The following MAPKBP1 variants were observed in gnomAD, a reference collection of about 807,000 sequenced individuals.
The protein encoded by MAPKBP1 is mitogen-activated protein kinase binding protein 1, also known as mitogen-activated protein kinase-binding protein 1.
Under a neutral mutation model 170.5 loss-of-function variants are expected in MAPKBP1, and 71 were observed. The ratio of observed to expected loss-of-function variants is 0.42; its 90% CI spans 0.34 to 0.51. The LOEUF (loss-of-function observed/expected upper bound fraction) is 0.51. MAPKBP1 is among the 20% of genes least tolerant of loss of function. MAPKBP1 has a pLI of 0.06. For missense variants in MAPKBP1, 1,598 were observed against 1,933.0 expected (o/e 0.83, Z 3.25); for synonymous variants, 719 against 757.9 (o/e 0.95, Z 0.84).
intron 2 of MAPKBP1, among the ~76,000 whole-genome samples, chr15:41,787,287 C>G (rs1420049016): frequency 1.3e-5 from 2 of 151,112 alleles, no homozygotes; most frequent in Admixed American, 6.6e-5. Context: ...ATTCCAGCAC[C>G]TAGAGATAAC....
Position 41,818,971 on chromosome 15 carries a change from G to A in MAPKBP1, c.2291+14G>A, listed in dbSNP as rs779239389. 7 of 1,612,676 alleles carry A rather than the reference G, an allele frequency of 4.3e-6. No homozygotes were observed. The highest frequency in any genetic ancestry group is 3.3e-5 in the Admixed American group (2 of 59,984). On this transcript the variant is annotated intron_variant, in intron 20 of 30. Coordinates refer to ENST00000457542, the MANE Select transcript of MAPKBP1 (RefSeq NM_014994.3). This position sits in a 1 kb window ranked among gnomAD's most constrained non-coding sequence, Gnocchi z 5.2. ...TGGACCCAACCGGTGAGAACAGAAT[G>A]TGGGCAAGTGATGGGTGGGTGTGCA...
chr15:41,818,508 G>C lies in MAPKBP1; in HGVS notation c.2093-11G>C. 1 of 1,611,044 alleles carries C rather than the reference G, an allele frequency of 6.2e-7. No individual in the cohort carries two copies. The highest frequency in any genetic ancestry group is 8.5e-7 in the Non-Finnish European group (1 of 1,178,390). ...AGGTGGCTTATAGACCGTATTCTTT[G>C]TTCTTCACAGAGATTGTCACTGGCA... On this transcript the variant is annotated splice_polypyrimidine_tract_variant and intron_variant, in intron 18 of 30. Transcript: ENST00000457542. This position sits in a 1 kb window ranked among gnomAD's most constrained non-coding sequence, Gnocchi z 5.2.
intron 29 of MAPKBP1, 47 bp downstream of exon 29, chr15:41,824,108 C>T (rs1254320028): frequency 5.2e-6 from 8 of 1,545,142 alleles, no homozygotes; most frequent in Admixed American, 1.9e-5. Flanking sequence ...TCCTTACTCT[C>T]CCCTCTCTGT....
intron 27 of MAPKBP1, 74 bp from the exon 28 acceptor site, chr15:41,822,865 T>C (rs768898860): frequency 6.5e-7 from 1 of 1,530,998 alleles, no homozygotes; most frequent in African/African-American, 1.4e-5. Flanking sequence ...CCTGGTGCTA[T>C]GAGTTTCTCG....
chr15:41,825,048 A>C, intron 30 of MAPKBP1, 161 bp from the exon 31 acceptor site: 1 of 599,528 alleles, frequency 1.7e-6, no homozygotes, highest in African/African-American at 1.9e-5. Context: ...TCACCCCCAG[A>C]GTCTGCCTGC....
intron 22 of MAPKBP1, 56 bp downstream of exon 22, chr15:41,819,706 T>G (rs1392007989): frequency 6.5e-7 from 1 of 1,546,876 alleles, no homozygotes; most frequent in East Asian, 2.3e-5. Context: ...AAGGGAGCTG[T>G]GAGAACAGGG....
intron 3 of MAPKBP1, among the ~76,000 whole-genome samples, chr15:41,806,600 T>C (rs2064699760): frequency 6.6e-6 from 1 of 152,180 alleles, no homozygotes. Flanking sequence ...GCACTGGTAC[T>C]CCACAGCGTG....
chr15:41,807,457 G>A (rs1034086409), intron 3 of MAPKBP1, among the ~76,000 whole-genome samples: 1 of 152,196 alleles, frequency 6.6e-6, no homozygotes, highest in African/African-American at 2.4e-5. Context: ...TTTGGAATAT[G>A]GTTGGCTGGA....
intron 2 of MAPKBP1, among the ~76,000 whole-genome samples, chr15:41,795,754 A>AC (rs1041585166): frequency 7.9e-5 from 12 of 152,052 alleles, no homozygotes; most frequent in Non-Finnish European, 1.2e-4. Context: ...CTACAGGTGC[A>AC]CGGCGTCACG....
At chr15:41,784,533 C>CA (rs2064247452) in intron 2 of MAPKBP1, among the ~76,000 whole-genome samples, 2 of 152,006 alleles carry the variant, frequency 1.3e-5, no homozygotes, top group South Asian at 4.2e-4. Flanking sequence ...CCTGTAATCC[C>CA]AGCACTTTGG....
Position 41,825,559 on chromosome 15 carries a change from AAGCAGCCTTC to A in MAPKBP1, c.*124_*133del. Reference sequence around the variant, plus strand: ...AAGCAGGGAGCAGTGTTCAGAGGCAAAGCAGCCTTCCCAGCCGCTCCTCGTGGGGGGCCTG... The same window carrying A: ...AAGCAGGGAGCAGTGTTCAGAGGCAACCAGCCGCTCCTCGTGGGGGGCCTG... On this transcript the variant is annotated 3_prime_UTR_variant, in exon 31 of 31. Transcript: ENST00000457542. 1.2e-6 allele frequency: 1 copy of A among 818,024 alleles called. No homozygotes were observed. Among genetic ancestry groups the A allele is most frequent in the Non-Finnish European group, 1.9e-6 (1 of 539,784 alleles). The allele number at this position is 818,024 out of a possible 1,614,324, so 50.7% of individuals were successfully genotyped here.
At chr15:41,814,075 T>A (rs1337530094) in intron 9 of MAPKBP1, among the ~76,000 whole-genome samples, 1 of 152,216 alleles carries the variant, frequency 6.6e-6, no homozygotes, top group Non-Finnish European at 1.5e-5. Flanking sequence ...TCTGGTTGGA[T>A]GCTGTCCGGA....
rs2064872671 is a variant in MAPKBP1, at chr15:41,815,363, C to T, written c.1275C>T (p.Ser425=). ...NTIRLWNTES[S]GVHGSTLHRN... ...TCCGCCTGTGGAACACAGAGAGCTC[C>T]GGGGTGCATGGCTCCACCCTCCACC... is the stretch of plus-strand genomic sequence containing the variant. The change falls in exon 11 of 31, where the codon TCC becomes TCT. Residue 425 remains serine, a synonymous_variant. Coordinates refer to ENST00000457542, the MANE Select transcript of MAPKBP1 (RefSeq NM_014994.3). 6.2e-6 allele frequency: 10 copies of T among 1,614,080 alleles called. No homozygotes were observed. The East Asian group carries it at 6.7e-5, about 11-fold the overall frequency.
At chr15:41,822,512 T>A (rs1189733103) in intron 26 of MAPKBP1, 81 bp from the exon 27 acceptor site, 13 of 1,604,394 alleles carry the variant, frequency 8.1e-6, no homozygotes. Context: ...GTATAGGCTG[T>A]GGCTGGGGGT....
intron 8 of MAPKBP1, 134 bp from the exon 9 acceptor site, chr15:41,813,487 G>A: frequency 7.1e-7 from 1 of 1,410,280 alleles, no homozygotes. Context: ...GCTCAGAACA[G>A]GGCAGCTGGG....
chr15:41,824,684 T>A (rs1432748069), intron 30 of MAPKBP1, 115 bp downstream of exon 30: 3 of 1,035,686 alleles, frequency 2.9e-6, no homozygotes, highest in South Asian at 3.1e-5. Flanking sequence ...GATGGCACAC[T>A]CAAGAACATC....
At chr15:41,785,033 A>G (rs1252759926) in intron 2 of MAPKBP1, among the ~76,000 whole-genome samples, 1 of 152,100 alleles carries the variant, frequency 6.6e-6, no homozygotes, top group East Asian at 1.9e-4. Flanking sequence ...GGCCATTGTG[A>G]GATTTAAATG....
rs187502169 is a variant in MAPKBP1 at position 41,805,894 on chromosome 15, C to T, written c.207-4989C>T. ...AGGCCTGTGACCTCAGTGTTCTGCT[C>T]TTTCCACCTCTACACTGCCCTTGAG... On this transcript the variant is annotated intron_variant, in intron 3 of 30. Transcript: ENST00000457542. Among the ~76,000 whole-genome samples the T allele has an allele frequency of 3.9e-5, 6 of 152,244 alleles. No homozygotes were observed. The East Asian group carries it at 1.2e-3, about 29-fold the overall frequency.
In MAPKBP1 at chr15:41,822,003, G is replaced by A; in HGVS notation, c.2924G>A (p.Gly975Glu). ...CAGGCTCCAGCCCGGGGAACTCTGG[G>A]AAGAGTGTACCCAGGCAGCAGGAGC... ...QVQAPARGTL[G>E]RVYPGSRSSE... Residue 975 changes from glycine to glutamate, a missense_variant, in exon 25 of 31, where the codon GGA becomes GAA. Physicochemically the swap from Gly to Glu is moderately conservative, Grantham distance 98. This residue lies in a region of MAPKBP1 where 942 missense variants were observed against 953.2 expected (regional missense o/e 0.99). Transcript: ENST00000457542. 6.2e-7 allele frequency: 1 copy of A among 1,610,680 alleles called. No individual in the cohort carries two copies. Among genetic ancestry groups the A allele is most frequent in the Non-Finnish European group, 8.5e-7 (1 of 1,178,456 alleles).
Sources: gnomAD v4.1 joint callset for allele counts (sites outside exome capture counted in the v4.1 genomes callset) on GRCh38, gnomAD v4.1.1 for gene constraint, gnomAD v4.1.1 regional missense constraint, Gnocchi (gnomAD v3.1) non-coding constraint, MANE v1.5 for transcripts, NCBI Gene and HGNC (gene_info 2026-07-23, HGNC 2026-07-21) for gene names.